OTULIN: variants seen among roughly 807,000 people sequenced by gnomAD.
OTULIN encodes the protein OTU deubiquitinase with linear linkage specificity.
Under a neutral mutation model 39.6 loss-of-function variants are expected in OTULIN, and 15 were observed. The ratio of observed to expected loss-of-function variants is 0.38; its 90% CI spans 0.25 to 0.58. OTULIN has a LOEUF of 0.58. Among genes scored for constraint, OTULIN ranks in the 20% least tolerant of loss-of-function variants. The pLI is 0.66. For synonymous variants in OTULIN, 156 were observed against 170.3 expected (o/e 0.92, Z 0.65); for missense variants, 319 against 445.9 (o/e 0.72, Z 2.56).
intron 1 of OTULIN, among the ~76,000 whole-genome samples, chr5:14,672,108 C>T (rs1006737399): frequency 1.3e-5 from 2 of 152,076 alleles, no homozygotes; most frequent in Admixed American, 1.3e-4. Flanking sequence ...TGGCGTGTAT[C>T]GTGATGTGTT....
the OTULIN span, among the ~76,000 whole-genome samples, chr5:14,715,577 G>C: frequency 6.6e-6 from 1 of 152,184 alleles, no homozygotes; most frequent in African/African-American, 2.4e-5. Context: ...AGAATACAAA[G>C]GTCTTCTTCC....
At chr5:14,704,351 AAAAAG>A (rs1256005108), downstream of OTULIN, among the ~76,000 whole-genome samples, 53 of 151,328 alleles carry the variant, frequency 3.5e-4, no homozygotes, top group Non-Finnish European at 6.2e-4. Flanking sequence ...AAAAAAAAAA[AAAAAG>A]TGATAAAAGA....
chr5:14,684,822 C>T (rs1002659205), intron 4 of OTULIN, among the ~76,000 whole-genome samples: 12 of 152,218 alleles, frequency 7.9e-5, no homozygotes, highest in Admixed American at 2.0e-4. Context: ...GAAGAAGACC[C>T]GGGCTTCCTT....
chr5:14,712,095 GCCAGGCAAAGC>G, the OTULIN span, among the ~76,000 whole-genome samples: 1 of 152,034 alleles, frequency 6.6e-6, no homozygotes, highest in Non-Finnish European at 1.5e-5. Flanking sequence ...CATTATATTT[GCCAGGCAAAGC>G]CCCAGCTGTG....
the OTULIN span, chr5:14,711,278 C>A: frequency 6.2e-7 from 1 of 1,614,158 alleles, no homozygotes; most frequent in Non-Finnish European, 8.5e-7. Context: ...AGTCTTCCCC[C>A]TCCGTGGCCG....
At chr5:14,666,946 C>T (rs1006154849) in intron 1 of OTULIN, among the ~76,000 whole-genome samples, 4 of 152,128 alleles carry the variant, frequency 2.6e-5, no homozygotes, top group African/African-American at 7.2e-5. Flanking sequence ...ATGATATATA[C>T]AGCTTAATAG....
the OTULIN span, chr5:14,711,032 T>C: frequency 1.6e-5 from 11 of 701,184 alleles, no homozygotes; most frequent in South Asian, 6.2e-5. Flanking sequence ...AGTGTGAGCA[T>C]ACCCAGTATG....
At chr5:14,711,596 C>T in the OTULIN span, among the ~76,000 whole-genome samples, 1 of 152,208 alleles carries the variant, frequency 6.6e-6, no homozygotes, top group African/African-American at 2.4e-5. Flanking sequence ...GCTGCCCTTT[C>T]CAATGAGGGC....
rs1315770744 is a variant in OTULIN at position 14,690,251 on chromosome 5, A to C, written c.807A>C (p.Pro269=). The C allele has an allele frequency of 6.2e-7, 1 of 1,614,232 alleles. No individual in the cohort carries two copies. The highest frequency in any genetic ancestry group is 8.5e-7 in the Non-Finnish European group (1 of 1,180,036). The change falls in exon 6 of 7, where the codon CCA becomes CCC. Residue 269 remains proline (P), a synonymous_variant. Coordinates refer to ENST00000284274, the MANE Select transcript of OTULIN (RefSeq NM_138348.6). This position sits in a 1 kb window ranked among gnomAD's most constrained non-coding sequence, Gnocchi z 4.5. ...TTGCTCGGGACACATCAAATGACCC[A>C]GGACAGCTTCTGAGGAACCACCTCA... The part of the protein sequence containing the change: ...LLFARDTSND[P]GQLLRNHLNQ...
At chr5:14,680,260 A>G (rs1736212221) in intron 3 of OTULIN, among the ~76,000 whole-genome samples, 1 of 152,240 alleles carries the variant, frequency 6.6e-6, no homozygotes, top group East Asian at 1.9e-4. Flanking sequence ...TGGTTGGACC[A>G]CTAAATAAAA....
At chr5:14,712,575 C>G in the OTULIN span, among the ~76,000 whole-genome samples, 3 of 152,244 alleles carry the variant, frequency 2.0e-5, no homozygotes, top group Non-Finnish European at 4.4e-5. Context: ...CCAAAGCAAG[C>G]CATAGGCTGA....
chr5:14,707,631 T>TCC, the OTULIN span: 1 of 152,096 alleles, frequency 6.6e-6, no homozygotes, highest in African/African-American at 2.4e-5. Flanking sequence ...CTCCCAGGCC[T>TCC]CCCCATCCTG....
chr5:14,712,753 C>T, the OTULIN span: 2 of 968,356 alleles, frequency 2.1e-6, no homozygotes, highest in Non-Finnish European at 3.2e-6. Context: ...CGAGACTGGG[C>T]AGTGTCACCA....
At position 14,694,271 on chromosome 5, in the gene OTULIN, C is replaced by T. The variant is rs544969617; in HGVS notation, c.*1223C>T. 2 of 152,442 alleles carry T rather than the reference C, an allele frequency of 1.3e-5. No individual in the cohort carries two copies. The highest frequency in any genetic ancestry group is 4.8e-5 in the African/African-American group (2 of 41,586). 9.4% of individuals were successfully genotyped at this position (152,442 alleles called of 1,614,324 possible). On this transcript the variant is annotated 3_prime_UTR_variant, in exon 7 of 7. Coordinates refer to ENST00000284274, the MANE Select transcript of OTULIN (RefSeq NM_138348.6). ...GGCAGCCTTCCTGGCTATGAGCCAT[C>T]GCCTGCCCAATCAGGCTAAGGGTGG...
the OTULIN span, among the ~76,000 whole-genome samples, chr5:14,711,518 C>T: frequency 1.3e-5 from 2 of 152,196 alleles, no homozygotes; most frequent in Non-Finnish European, 2.9e-5. Flanking sequence ...GTGTGCCTGG[C>T]ACTGAGCTAG....
At chr5:14,681,420 A>G (rs1736246441) in intron 3 of OTULIN, 44 bp from the exon 4 acceptor site, 5 of 1,553,964 alleles carry the variant, frequency 3.2e-6, no homozygotes, top group Admixed American at 2.0e-5. Context: ...CTGCTATCTC[A>G]AGTCAGTAAC....
chr5:14,701,981 C>T (rs1736804431), downstream of OTULIN, among the ~76,000 whole-genome samples: 1 of 152,134 alleles, frequency 6.6e-6, no homozygotes, highest in African/African-American at 2.4e-5. Context: ...GATGTCATTT[C>T]CATCATAGTC....
intron 3 of OTULIN, among the ~76,000 whole-genome samples, 162 bp downstream of exon 3, chr5:14,678,937 GGTTTT>G (rs1173215958): frequency 7.4e-6 from 1 of 135,222 alleles, no homozygotes. Flanking sequence ...CAAAGATAAG[GGTTTT>G]GTTTTAAGTC....
chr5:14,687,459 T>C, intron 4 of OTULIN, 62 bp from the exon 5 acceptor site: 1 of 1,562,046 alleles, frequency 6.4e-7, no homozygotes, highest in Non-Finnish European at 8.7e-7. Flanking sequence ...ACAGCTTGGA[T>C]TGTGTGGTGG....
Sources: gnomAD v4.1 joint callset for allele counts (sites outside exome capture counted in the v4.1 genomes callset) on GRCh38, gnomAD v4.1.1 for gene constraint, Gnocchi (gnomAD v3.1) non-coding constraint, MANE v1.5 for transcripts, NCBI Gene and HGNC (gene_info 2026-07-23, HGNC 2026-07-21) for gene names.